Variants in WFDC9 observed in about 807,000 individuals in gnomAD.
The protein encoded by WFDC9 is protein WFDC9.
In WFDC9, 9 loss-of-function variants were observed where a neutral mutation model predicts 9.5. The observed-to-expected ratio is 0.95, with a 90% CI of 0.57 to 1.65. The LOEUF is 1.65. Among genes scored for constraint, WFDC9 ranks in the 40% most tolerant of loss-of-function variants. WFDC9 has a pLI of 0.00. For missense variants in WFDC9, 87 were observed against 106.7 expected (o/e 0.82, Z 0.81); for synonymous variants, 33 against 32.3 (o/e 1.02, Z -0.07).
chr20:45,621,180 A>G (rs4812937), intron 1 of WFDC9, among the ~76,000 whole-genome samples: 1 of 152,206 alleles, frequency 6.6e-6, no homozygotes, highest in Admixed American at 6.5e-5. Flanking sequence ...ACTTTTCCAC[A>G]TAGACTTAAA....
At chr20:45,612,003 A>T (rs1981870281) in intron 2 of WFDC9, among the ~76,000 whole-genome samples, 3 of 152,300 alleles carry the variant, frequency 2.0e-5, no homozygotes, top group East Asian at 3.9e-4. Flanking sequence ...GGCCAGCCAC[A>T]TAATCCCCAG....
chr20:45,612,476 A>G (rs1365760055), intron 2 of WFDC9, among the ~76,000 whole-genome samples: 2 of 152,220 alleles, frequency 1.3e-5, no homozygotes, highest in African/African-American at 4.8e-5. Context: ...CATAGATGGT[A>G]ATCAGTGGTA....
chr20:45,626,155 G>C (rs1982215148), intron 1 of WFDC9, among the ~76,000 whole-genome samples: 1 of 134,608 alleles, frequency 7.4e-6, no homozygotes, highest in African/African-American at 2.7e-5. Flanking sequence ...TAGTCTACGT[G>C]TCTGTTTTTA....
At chr20:45,630,826 C>G in intron 1 of WFDC9, 1 of 1,520,212 alleles carries the variant, frequency 6.6e-7, no homozygotes, top group South Asian at 1.3e-5. Context: ...GAAAAATGTT[C>G]TCTAGGAAAC....
chr20:45,618,111 C>A (rs58505725), intron 1 of WFDC9, among the ~76,000 whole-genome samples: 1,925 of 152,230 alleles, frequency 0.013, 41 homozygotes, highest in African/African-American at 0.045. Context: ...CTTCACATTG[C>A]CCTTTTGTGT....
intron 1 of WFDC9, among the ~76,000 whole-genome samples, chr20:45,616,924 C>T (rs943868704): frequency 6.6e-6 from 1 of 152,180 alleles, no homozygotes; most frequent in African/African-American, 2.4e-5. Flanking sequence ...AGCTTTGGCT[C>T]ATTATTACTT....
chr20:45,618,522 G>T (rs940859535), intron 1 of WFDC9, among the ~76,000 whole-genome samples: 7 of 152,122 alleles, frequency 4.6e-5, no homozygotes, highest in Admixed American at 3.9e-4. Context: ...AGAAATGTGG[G>T]ACTCTTCCTT....
chr20:45,629,608 G>A (rs1982305104), intron 1 of WFDC9: 2 of 446,542 alleles, frequency 4.5e-6, no homozygotes, highest in South Asian at 6.4e-5. Flanking sequence ...TCATTCCTGC[G>A]GAAGCCCTAT....
chr20:45,630,046 TCC>T, intron 1 of WFDC9: 2 of 1,192,024 alleles, frequency 1.7e-6, no homozygotes, highest in South Asian at 3.4e-5. Context: ...CTCTGGACTG[TCC>T]CTAAACCATG....
At chr20:45,630,048 C>G (rs1461831084) in intron 1 of WFDC9, 4 of 1,181,902 alleles carry the variant, frequency 3.4e-6, no homozygotes, top group Non-Finnish European at 2.3e-6. Flanking sequence ...CTGGACTGTC[C>G]CTAAACCATG....
chr20:45,629,745 C>G, intron 1 of WFDC9: 1 of 1,557,042 alleles, frequency 6.4e-7, no homozygotes, highest in Admixed American at 1.9e-5. Flanking sequence ...CTTCACTCTC[C>G]GTAGACAGCT....
chr20:45,619,825 G>A (rs531090201), intron 1 of WFDC9, among the ~76,000 whole-genome samples: 31 of 152,282 alleles, frequency 2.0e-4, no homozygotes, highest in African/African-American at 5.1e-4. Context: ...AGGAGTTTGA[G>A]AACAGCCTGA....
intron 2 of WFDC9, among the ~76,000 whole-genome samples, chr20:45,613,869 T>C (rs1303510228): frequency 6.6e-6 from 1 of 152,168 alleles, no homozygotes; most frequent in Non-Finnish European, 1.5e-5. Flanking sequence ...TGTTATCTGC[T>C]TACAGCCAGG....
At chr20:45,625,050 G>C (rs868606838) in intron 1 of WFDC9, among the ~76,000 whole-genome samples, 1 of 152,152 alleles carries the variant, frequency 6.6e-6, no homozygotes, top group East Asian at 1.9e-4. Flanking sequence ...TACTACCTGA[G>C]ACTGGGTAAT....
In WFDC9 at chr20:45,608,741, C is replaced by T. The variant is rs747617393; in HGVS notation, c.161G>A (p.Cys54Tyr). 6.2e-7 allele frequency: 1 copy of T among 1,614,104 alleles called. No individual in the cohort carries two copies. The highest frequency in any genetic ancestry group is 8.5e-7 in the Non-Finnish European group (1 of 1,179,972). ...ACGTACACAAGTCATTATTTTAGTACACCTTTTCTCACAGTACTTATATGG... is the reference window on the plus strand; with the variant it reads ...ACGTACACAAGTCATTATTTTAGTATACCTTTTCTCACAGTACTTATATGG... Reference protein sequence around the residue: ...QPPYKYCEKRCTKIMTCVRPN... With the variant: ...QPPYKYCEKRYTKIMTCVRPN... The change falls in exon 4 of 5, where the codon TGT (cysteine) becomes TAT (tyrosine). Residue 54 changes from cysteine to tyrosine, a missense_variant. Physicochemically the swap from Cys to Tyr is radical, Grantham distance 194 (BLOSUM62 -2). Transcript: ENST00000326000.
intron 1 of WFDC9, among the ~76,000 whole-genome samples, chr20:45,617,331 A>T (rs150623200): frequency 0.014 from 2,112 of 152,232 alleles, 88 homozygotes; most frequent in Admixed American, 0.098. Flanking sequence ...GGCAGGCACC[A>T]GTAGGCCCAG....
chr20:45,625,494 T>A (rs1982196951), intron 1 of WFDC9, among the ~76,000 whole-genome samples: 1 of 152,206 alleles, frequency 6.6e-6, no homozygotes, highest in Admixed American at 6.5e-5. Context: ...TTGCTTTTGT[T>A]GCCCATGGTT....
chr20:45,627,263 T>A (rs1982239643), intron 1 of WFDC9, among the ~76,000 whole-genome samples: 1 of 152,192 alleles, frequency 6.6e-6, no homozygotes, highest in South Asian at 2.1e-4. Context: ...ATCAGGAATA[T>A]TGGCCTGTGG....
rs142632964 is a variant in WFDC9, at chr20:45,628,337, C to G, written c.-153+2866G>C. On this transcript the variant is annotated intron_variant, in intron 1 of 4. Transcript: ENST00000326000. ...GAACCTTGTTGTCATCTATACTGAG[C>G]TGGTGGAAAAGAAAAAGAGTGTGAA... Among the ~76,000 whole-genome samples, 953 of 152,264 alleles carry G rather than the reference C, an allele frequency of 6.3e-3. 5 individuals carry two copies. The highest frequency in any genetic ancestry group is 9.1e-3 in the Non-Finnish European group (616 of 68,028).
Sources: allele counts gnomAD v4.1 joint callset (sites outside exome capture counted in the v4.1 genomes callset), GRCh38; gene constraint gnomAD v4.1.1; transcripts MANE v1.5; gene names NCBI Gene and HGNC (gene_info 2026-07-23, HGNC 2026-07-21).